The following TCAIM variants were observed in gnomAD, a reference collection of about 807,000 sequenced individuals.
The protein encoded by TCAIM is T-cell activation inhibitor, mitochondrial.
In TCAIM, 36 loss-of-function variants were observed where a neutral mutation model predicts 58.6. The ratio of observed to expected loss-of-function variants is 0.61; its 90% CI spans 0.47 to 0.81. The LOEUF is 0.81. Among genes scored for constraint, TCAIM ranks in the 30% least tolerant of loss-of-function variants. TCAIM has a pLI of 0.00. For missense variants in TCAIM, 466 were observed against 579.6 expected, an observed-to-expected ratio of 0.80 and a Z score of 2.01; for synonymous variants, 172 against 193.6, an observed-to-expected ratio of 0.89 and a Z score of 0.93.
intron 1 of TCAIM, among the ~76,000 whole-genome samples, chr3:44,343,918 C>G (rs567197488): frequency 6.6e-6 from 1 of 151,862 alleles, no homozygotes; most frequent in East Asian, 1.9e-4. Flanking sequence ...TAGTTATACT[C>G]TGTGATTACA....
chr3:44,351,270 C>G (rs1255168292), intron 1 of TCAIM, among the ~76,000 whole-genome samples: 1 of 151,610 alleles, frequency 6.6e-6, no homozygotes, highest in Non-Finnish European at 1.5e-5. Flanking sequence ...GACCCAAGGT[C>G]ATAGGTGGAT....
chr3:44,388,856 T>G (rs1304850950), intron 5 of TCAIM, among the ~76,000 whole-genome samples: 1 of 152,224 alleles, frequency 6.6e-6, no homozygotes, highest in Non-Finnish European at 1.5e-5. Context: ...GCTCCAAAGT[T>G]TGATTCAGCA....
chr3:44,370,097 C>T (rs1701440637), intron 5 of TCAIM, among the ~76,000 whole-genome samples: 1 of 152,056 alleles, frequency 6.6e-6, no homozygotes, highest in Non-Finnish European at 1.5e-5. Flanking sequence ...TTGATTTCCT[C>T]AAAAGTCAGC....
At chr3:44,394,696 C>A (rs1701894162) in intron 6 of TCAIM, among the ~76,000 whole-genome samples, 1 of 150,538 alleles carries the variant, frequency 6.6e-6, no homozygotes, top group East Asian at 2.0e-4. Flanking sequence ...GAGTTTGAGA[C>A]CAGCCTGACC....
At chr3:44,352,028 G>A (rs1701101905) in intron 1 of TCAIM, among the ~76,000 whole-genome samples, 1 of 149,234 alleles carries the variant, frequency 6.7e-6, no homozygotes, top group Admixed American at 6.7e-5. Flanking sequence ...TATATGTTAT[G>A]TATATATTAT....
chr3:44,374,241 A>G (rs1701527638), intron 5 of TCAIM, among the ~76,000 whole-genome samples: 1 of 150,670 alleles, frequency 6.6e-6, no homozygotes, highest in Non-Finnish European at 1.5e-5. Flanking sequence ...GTGATAATGC[A>G]CAATTTAGTG....
intron 4 of TCAIM, among the ~76,000 whole-genome samples, chr3:44,366,905 T>G (rs11719686): frequency 0.46 from 70,526 of 151,980 alleles, 18,296 homozygotes; most frequent in East Asian, 0.81. Context: ...CTAGAGAATT[T>G]TAAATCACTC....
At chr3:44,366,610 G>A (rs1455650910) in intron 4 of TCAIM, among the ~76,000 whole-genome samples, 12 of 145,382 alleles carry the variant, frequency 8.3e-5, no homozygotes, top group East Asian at 2.2e-4. Flanking sequence ...ACAGGCGCCC[G>A]CCACCACGCC....
chr3:44,341,325 G>A (rs1241942569), intron 1 of TCAIM: 3 of 151,936 alleles, frequency 2.0e-5, no homozygotes, highest in African/African-American at 7.3e-5. Context: ...ATTCACTTTA[G>A]GTTTTTATTT....
chr3:44,405,966 A>G (rs1702094472), intron 10 of TCAIM, among the ~76,000 whole-genome samples: 2 of 151,914 alleles, frequency 1.3e-5, no homozygotes, highest in Admixed American at 1.3e-4. Context: ...AAAAAAAAAA[A>G]AAAAAATTAA....
At chr3:44,341,287 T>G (rs915863021) in intron 1 of TCAIM, 33 of 152,162 alleles carry the variant, frequency 2.2e-4, no homozygotes, top group African/African-American at 7.7e-4. Flanking sequence ...AAAAAGACAA[T>G]TCCCACAGCA....
intron 10 of TCAIM, among the ~76,000 whole-genome samples, chr3:44,403,263 C>T (rs1449758631): frequency 3.3e-5 from 5 of 152,028 alleles, no homozygotes; most frequent in African/African-American, 4.8e-5. Flanking sequence ...AGCGAGACTC[C>T]GTCTCAGAAA....
chr3:44,398,019 GA>G (rs1020582126), intron 8 of TCAIM, among the ~76,000 whole-genome samples: 34 of 128,948 alleles, frequency 2.6e-4, no homozygotes, highest in African/African-American at 3.4e-4. Flanking sequence ...AAATTCAGCA[GA>G]AAAAAAAAAA....
At chr3:44,390,555 C>G (rs185999683) in intron 5 of TCAIM, among the ~76,000 whole-genome samples, 232 of 151,916 alleles carry the variant, frequency 1.5e-3, no homozygotes, top group Non-Finnish European at 2.7e-3. Context: ...CCCAGGAGGT[C>G]GAGGCTGCAG....
intron 1 of TCAIM, among the ~76,000 whole-genome samples, chr3:44,344,997 A>T (rs1700936237): frequency 6.6e-6 from 1 of 152,162 alleles, no homozygotes; most frequent in African/African-American, 2.4e-5. Context: ...CTGGATGTAT[A>T]CGTTCAGGCT....
rs1333698173 is a variant in TCAIM at position 44,401,213 on chromosome 3, G to A, written c.1129G>A (p.Ala377Thr). 6.2e-7 allele frequency: 1 copy of A among 1,613,788 alleles called. No homozygotes were observed. The highest frequency in any genetic ancestry group is 8.5e-7 in the Non-Finnish European group (1 of 1,179,852). The change falls in exon 10 of 11, where the codon GCT (alanine) becomes ACT (threonine). Residue 377 changes from alanine (A) to threonine (T), a missense_variant. Coordinates refer to ENST00000342649, the MANE Select transcript of TCAIM (RefSeq NM_173826.4). ...TATATTTTATTGCAGTGACAGATAT[G>A]CTCCAAGCTTGCATGAACTCGGGCA... ...LQMILNSDRY[A>T]PSLHELGHFN... is the part of the protein sequence containing the mutation.
intron 1 of TCAIM, among the ~76,000 whole-genome samples, chr3:44,351,122 G>A (rs1701079532): frequency 6.6e-6 from 1 of 152,086 alleles, no homozygotes; most frequent in Non-Finnish European, 1.5e-5. Context: ...GCCTGTAGCT[G>A]GGACTACAGA....
intron 6 of TCAIM, among the ~76,000 whole-genome samples, chr3:44,393,971 G>A (rs1391566797): frequency 6.6e-6 from 1 of 152,150 alleles, no homozygotes; most frequent in Non-Finnish European, 1.5e-5. Context: ...GTAAGGAAGG[G>A]AAAAGGAGTC....
chr3:44,391,025 A>T (rs1385879733), intron 5 of TCAIM, among the ~76,000 whole-genome samples: 1 of 152,044 alleles, frequency 6.6e-6, no homozygotes, highest in Non-Finnish European at 1.5e-5. Flanking sequence ...ATTTCTCTGG[A>T]CTTCCCTTGG....
Sources: gnomAD v4.1 joint callset for allele counts (sites outside exome capture counted in the v4.1 genomes callset) on GRCh38, gnomAD v4.1.1 for gene constraint, MANE v1.5 for transcripts, NCBI Gene and HGNC (gene_info 2026-07-23, HGNC 2026-07-21) for gene names.